The following KCNT2 variants were observed in gnomAD, a reference collection of about 807,000 sequenced individuals.
KCNT2 encodes the protein potassium sodium-activated channel subfamily T member 2, also known as potassium channel subfamily T member 2.
KCNT2 carries 67 observed loss-of-function variants against 153.8 expected under a neutral mutation model. The ratio of observed to expected loss-of-function variants is 0.44; its 90% CI spans 0.36 to 0.53. The LOEUF is 0.53. Among genes scored for constraint, KCNT2 ranks in the 20% least tolerant of loss-of-function variants. The pLI is 0.00. For synonymous variants in KCNT2, 500 were observed against 458.8 expected (o/e 1.09, Z -1.15); for missense variants, 975 against 1,354.8 (o/e 0.72, Z 4.40).
intron 13 of KCNT2, among the ~76,000 whole-genome samples, chr1:196,380,814 A>G (rs900635136): frequency 1.3e-5 from 2 of 152,202 alleles, no homozygotes; most frequent in African/African-American, 4.8e-5. Context: ...TCTTTTTCTT[A>G]TATGAGAATA....
chr1:196,246,292 C>G (rs1319867194), intron 26 of KCNT2, among the ~76,000 whole-genome samples: 3 of 151,778 alleles, frequency 2.0e-5, no homozygotes, highest in Admixed American at 6.6e-5. Context: ...ATTCTTTAAA[C>G]AAAAAAGGGA....
intron 1 of KCNT2, among the ~76,000 whole-genome samples, chr1:196,572,346 T>C (rs1377933266): frequency 6.6e-6 from 1 of 152,102 alleles, no homozygotes; most frequent in Non-Finnish European, 1.5e-5. Context: ...GTTGGTGTGA[T>C]GACCTAGTCA....
chr1:196,605,534 T>C (rs773670943), intron 1 of KCNT2, among the ~76,000 whole-genome samples: 12 of 152,152 alleles, frequency 7.9e-5, no homozygotes, highest in Admixed American at 2.0e-4. Flanking sequence ...GAAAACCTCA[T>C]GCAGGAGGTG....
intron 3 of KCNT2, 118 bp from the exon 4 acceptor site, chr1:196,482,497 A>G: frequency 2.0e-6 from 1 of 507,310 alleles, no homozygotes; most frequent in Non-Finnish European, 3.4e-6. Context: ...AAAATATCAA[A>G]ATCAACATTT....
intron 1 of KCNT2, among the ~76,000 whole-genome samples, chr1:196,514,414 A>G (rs1167194368): frequency 1.3e-5 from 2 of 152,176 alleles, no homozygotes; most frequent in Non-Finnish European, 2.9e-5. Flanking sequence ...AATCTTCTTC[A>G]GCCTTCCCCT....
chr1:196,536,971 T>C (rs940142454), intron 1 of KCNT2, among the ~76,000 whole-genome samples: 28 of 152,314 alleles, frequency 1.8e-4, no homozygotes, highest in Admixed American at 9.2e-4. Context: ...GCTCAGCTTC[T>C]TTCCATAGTT....
At chr1:196,355,930 C>T (rs752243381) in intron 14 of KCNT2, among the ~76,000 whole-genome samples, 2 of 151,718 alleles carry the variant, frequency 1.3e-5, no homozygotes, top group African/African-American at 2.4e-5. Flanking sequence ...CCATATGCTT[C>T]GCTTCTATTC....
At chr1:196,233,674 G>A (rs1654156089) in intron 27 of KCNT2, among the ~76,000 whole-genome samples, 1 of 151,066 alleles carries the variant, frequency 6.6e-6, no homozygotes, top group Admixed American at 6.6e-5. Context: ...GAAAATTTGT[G>A]GTATATATGC....
chr1:196,420,439 C>T (rs1378255273), intron 12 of KCNT2, among the ~76,000 whole-genome samples: 2 of 151,644 alleles, frequency 1.3e-5, no homozygotes, highest in African/African-American at 4.8e-5. Flanking sequence ...CCTATGTCTG[C>T]TGTCTGGTGT....
At chr1:196,327,965 T>A (rs1041110803) in intron 18 of KCNT2, among the ~76,000 whole-genome samples, 2 of 152,082 alleles carry the variant, frequency 1.3e-5, no homozygotes, top group Non-Finnish European at 2.9e-5. Context: ...GCCATTATTC[T>A]TGAATAAAAA....
chr1:196,464,834 A>G (rs1270741427), intron 8 of KCNT2, among the ~76,000 whole-genome samples: 1 of 151,998 alleles, frequency 6.6e-6, no homozygotes, highest in Non-Finnish European at 1.5e-5. Context: ...ACTGTCCATA[A>G]ATCTGCCCTG....
At chr1:196,449,195 G>T (rs1675944539) in intron 8 of KCNT2, among the ~76,000 whole-genome samples, 1 of 151,682 alleles carries the variant, frequency 6.6e-6, no homozygotes, top group Non-Finnish European at 1.5e-5. Flanking sequence ...ATAAAGCAGA[G>T]AATTGAAAGT....
intron 21 of KCNT2, among the ~76,000 whole-genome samples, chr1:196,306,211 T>C (rs934950614): frequency 1.3e-5 from 2 of 152,120 alleles, no homozygotes; most frequent in African/African-American, 4.8e-5. Context: ...ATATGATATG[T>C]CTTTAAACTA....
chr1:196,419,862 C>G (rs1317698437), intron 12 of KCNT2, among the ~76,000 whole-genome samples: 2 of 151,892 alleles, frequency 1.3e-5, no homozygotes, highest in Non-Finnish European at 2.9e-5. Context: ...TTTCCTTCTC[C>G]CTGACCAGCA....
In KCNT2 at chr1:196,465,412, G is replaced by A. The variant is rs80105387; in HGVS notation, c.544-25C>T. On this transcript the variant is annotated intron_variant, in intron 7 of 27. Transcript: ENST00000294725. The stretch of plus-strand genomic sequence containing the variant: ...TCTAAAATAATACAGAAAAAAAGTT[G>A]TAAATTTTGATAAATACTAAATATG... 47 of 1,363,148 alleles carry A rather than the reference G, an allele frequency of 3.4e-5. No homozygotes were observed. In the African/African-American group the frequency reaches 6.2e-4, roughly 18 times the overall value. 84.4% of individuals were successfully genotyped at this position (1,363,148 alleles called of 1,614,324 possible).
intron 13 of KCNT2, among the ~76,000 whole-genome samples, chr1:196,393,095 G>A (rs961237761): frequency 1.3e-5 from 2 of 151,348 alleles, no homozygotes; most frequent in African/African-American, 4.8e-5. Flanking sequence ...CGTAACCAAA[G>A]CATAGAAAAT....
Position 196,245,292 on chromosome 1 carries a change from A to T in KCNT2, c.3212-9222T>A, listed in dbSNP as rs1655337837. 2.0e-5 allele frequency among the ~76,000 whole-genome samples: 3 copies of T among 152,086 alleles called. No homozygotes were observed. In the South Asian group the frequency reaches 6.2e-4, roughly 32 times the overall value. On this transcript the variant is annotated intron_variant, in intron 26 of 27. Transcript: ENST00000294725. Reference sequence around the variant, plus strand: ...GATTGCTTGAGCCCGGGAGTTTGAGACCAGCCTGGGCAACATAGCAAGACC... The same window carrying T: ...GATTGCTTGAGCCCGGGAGTTTGAGTCCAGCCTGGGCAACATAGCAAGACC...
chr1:196,545,269 T>C (rs1380134222), intron 1 of KCNT2, among the ~76,000 whole-genome samples: 1 of 152,080 alleles, frequency 6.6e-6, no homozygotes, highest in Non-Finnish European at 1.5e-5. Context: ...AGGATATAGT[T>C]ATAACATAAT....
At chr1:196,532,302 G>T (rs4658037) in intron 1 of KCNT2, among the ~76,000 whole-genome samples, 4 of 151,942 alleles carry the variant, frequency 2.6e-5, no homozygotes, top group South Asian at 2.1e-4. Flanking sequence ...GGAAAAAGTA[G>T]GTGATATTTA....
Sources: gnomAD v4.1 joint callset for allele counts (sites outside exome capture counted in the v4.1 genomes callset) on GRCh38, gnomAD v4.1.1 for gene constraint, MANE v1.5 for transcripts, NCBI Gene and HGNC (gene_info 2026-07-23, HGNC 2026-07-21) for gene names.